JKAMP: variants seen among roughly 807,000 people sequenced by gnomAD.
JKAMP encodes JNK1/MAPK8 associated membrane protein.
Under a neutral mutation model 40.2 loss-of-function variants are expected in JKAMP, and 20 were observed. The ratio of observed to expected loss-of-function variants is 0.50; its 90% CI spans 0.35 to 0.72. The LOEUF is 0.72. Ranked by LOEUF, JKAMP falls within the 30% of genes least tolerant of loss-of-function variation. The pLI is 0.01. For synonymous variants in JKAMP, 138 were observed against 131.6 expected, an observed-to-expected ratio of 1.05 and a Z score of -0.33; for missense variants, 276 against 373.0, an observed-to-expected ratio of 0.74 and a Z score of 2.14.
Position 59,504,139 on chromosome 14 carries a change from A to G in JKAMP, c.*67A>G, listed in dbSNP as rs538982506. The G allele has an allele frequency of 1.5e-4, 131 of 886,872 alleles. No homozygotes were observed. The African/African-American group carries it at 2.1e-3, about 14-fold the overall frequency. The allele number at this position is 886,872 out of a possible 1,614,324, so 54.9% of individuals were successfully genotyped here. On this transcript the variant is annotated 3_prime_UTR_variant, in exon 7 of 7. Transcript: ENST00000616435. ...AATAAAAAAGTAAATCAATCTTAAC[A>G]GTGTATGAGAACTATTCTATCATAT...
chr14:59,497,049 A>G (rs1386621231), intron 4 of JKAMP, among the ~76,000 whole-genome samples: 1 of 150,520 alleles, frequency 6.6e-6, no homozygotes, highest in East Asian at 1.9e-4. Context: ...CACAGTTACC[A>G]GAAACCTTTG....
intron 3 of JKAMP, among the ~76,000 whole-genome samples, chr14:59,494,063 A>G (rs1038527892): frequency 1.3e-5 from 2 of 152,174 alleles, no homozygotes; most frequent in Admixed American, 6.5e-5. Context: ...AATCTCTTCT[A>G]GGTGAATTAA....
At chr14:59,502,463 C>T (rs573023767) in intron 6 of JKAMP, among the ~76,000 whole-genome samples, 1 of 152,254 alleles carries the variant, frequency 6.6e-6, no homozygotes, top group South Asian at 2.1e-4. Flanking sequence ...CTGCTGATGC[C>T]ACTTTTTCTA....
intron 3 of JKAMP, among the ~76,000 whole-genome samples, chr14:59,489,472 GTC>G (rs1890827952): frequency 6.6e-6 from 1 of 152,190 alleles, no homozygotes; most frequent in South Asian, 2.1e-4. Context: ...GGCCTTCACT[GTC>G]TACATTTCTG....
At chr14:59,487,295 T>A (rs1890659761) in intron 2 of JKAMP, 2 of 155,018 alleles carry the variant, frequency 1.3e-5, no homozygotes, top group Non-Finnish European at 1.4e-5. Flanking sequence ...TATTATTTTT[T>A]AAAACATTTA....
intron 4 of JKAMP, 168 bp downstream of exon 4, chr14:59,495,392 T>C (rs1891368772): frequency 3.4e-6 from 2 of 585,028 alleles, no homozygotes; most frequent in Non-Finnish European, 6.1e-6. Context: ...TTCAGTTTTC[T>C]CTTTGGTAAA....
intron 5 of JKAMP, 148 bp from the exon 6 acceptor site, chr14:59,501,043 C>G: frequency 1.8e-6 from 1 of 569,258 alleles, no homozygotes; most frequent in Non-Finnish European, 3.1e-6. Context: ...AGCTTGCTGG[C>G]CACTGCCTCA....
At chr14:59,493,269 T>C (rs556760068) in intron 3 of JKAMP, among the ~76,000 whole-genome samples, 23 of 152,340 alleles carry the variant, frequency 1.5e-4, no homozygotes, top group Admixed American at 1.4e-3. Flanking sequence ...AGAAGCCATA[T>C]GGAAGAGAAC....
rs1230485294 is a variant in JKAMP at position 59,504,489 on chromosome 14, A to ACAG, written c.*417_*418insCAG. The ACAG allele has an allele frequency of 0.011, 1,785 of 159,610 alleles. 26 individuals are homozygous for ACAG. Among genetic ancestry groups the ACAG allele is most frequent in the African/African-American group, 0.041 (1,718 of 41,798 alleles). The allele number at this position is 159,610 out of a possible 1,614,324, so 9.9% of individuals were successfully genotyped here. ...TCAGTTTGTTTTTCACCTATAATGA[A>ACAG]TTGTAAAAACAAACATACTTGTGGG... On this transcript the variant is annotated 3_prime_UTR_variant, in exon 7 of 7. Coordinates refer to ENST00000616435, the MANE Select transcript of JKAMP (RefSeq NM_016475.5).
At chr14:59,502,925 T>A (rs1892042597) in intron 6 of JKAMP, among the ~76,000 whole-genome samples, 4 of 151,706 alleles carry the variant, frequency 2.6e-5, no homozygotes, top group Admixed American at 1.3e-4. Flanking sequence ...CTAATTTTTG[T>A]GTTTTTAGTA....
chr14:59,500,696 C>T (rs556599632), intron 5 of JKAMP, among the ~76,000 whole-genome samples: 1 of 152,204 alleles, frequency 6.6e-6, no homozygotes, highest in African/African-American at 2.4e-5. Flanking sequence ...TTTGAATTCT[C>T]CTAAATTTAG....
chr14:59,495,551 ATAAG>A (rs1262287565), intron 4 of JKAMP, among the ~76,000 whole-genome samples: 1 of 152,166 alleles, frequency 6.6e-6, no homozygotes, highest in Middle Eastern at 3.2e-3. Flanking sequence ...TTCTCCCCAA[ATAAG>A]TGTAATTTCT....
intron 5 of JKAMP, 110 bp from the exon 6 acceptor site, chr14:59,501,081 C>A: frequency 1.5e-6 from 1 of 680,822 alleles, no homozygotes; most frequent in Non-Finnish European, 2.4e-6. Context: ...TCTCACAGAA[C>A]TGGTTGAGAA....
At chr14:59,496,967 AG>A (rs1240115812) in intron 4 of JKAMP, among the ~76,000 whole-genome samples, 3 of 122,294 alleles carry the variant, frequency 2.5e-5, no homozygotes, top group African/African-American at 9.3e-5. Flanking sequence ...GCACTTCCGA[AG>A]GTTGTAGGGC....
At position 59,498,831 on chromosome 14, in the gene JKAMP, G is replaced by T. The variant is rs749990094; in HGVS notation, c.563G>T (p.Arg188Leu). The T allele has an allele frequency of 1.9e-6, 3 of 1,612,514 alleles. No individual in the cohort carries two copies. Among genetic ancestry groups the T allele is most frequent in the Non-Finnish European group, 2.5e-6 (3 of 1,178,978 alleles). Residue 188 changes from arginine to leucine, a missense_variant, in exon 5 of 7, where the codon CGA (arginine) becomes CTA (leucine). Arg to Leu is a moderately radical substitution (Grantham distance 102). Coordinates refer to ENST00000616435, the MANE Select transcript of JKAMP (RefSeq NM_016475.5). ...GCATGTGGGTTAGGGAAATCTGATC[G>T]ATTTAAAAGTATTTATGCTGCACTT... Reference protein sequence around the residue: ...KIACGLGKSDRFKSIYAALYF... With the variant: ...KIACGLGKSDLFKSIYAALYF...
intron 3 of JKAMP, among the ~76,000 whole-genome samples, chr14:59,492,873 C>T (rs969990431): frequency 2.7e-5 from 4 of 150,366 alleles, no homozygotes; most frequent in Admixed American, 1.3e-4. Context: ...CCTCGGCTCA[C>T]TGCAAGCTTC....
chr14:59,487,252 T>C (rs1890656171), intron 2 of JKAMP: 1 of 155,126 alleles, frequency 6.4e-6, no homozygotes, highest in Non-Finnish European at 1.4e-5. Context: ...GGCATTAATA[T>C]AGTCATTGTT....
Position 59,504,973 on chromosome 14 carries a change from A to ATGTT in JKAMP, c.*903_*906dup, listed in dbSNP as rs879105599. ...TGTGGTTTGTGATAGGTGTTCTGTG[A>ATGTT]TGTTTATGCTTTGAAGGCCTTAAGA... On this transcript the variant is annotated 3_prime_UTR_variant, in exon 7 of 7. Transcript: ENST00000616435. 4 of 252,966 alleles carry ATGTT rather than the reference A, an allele frequency of 1.6e-5. No homozygotes were observed. In the South Asian group the frequency reaches 5.6e-4, roughly 35 times the overall value. 15.7% of individuals were successfully genotyped at this position (252,966 alleles called of 1,614,324 possible).
intron 4 of JKAMP, among the ~76,000 whole-genome samples, chr14:59,496,808 A>G (rs561102747): frequency 2.3e-4 from 35 of 152,320 alleles, no homozygotes; most frequent in African/African-American, 7.5e-4. Flanking sequence ...GTCATTGTAG[A>G]ACAGCTTGCC....
Sources: allele counts gnomAD v4.1 joint callset (sites outside exome capture counted in the v4.1 genomes callset), GRCh38; gene constraint gnomAD v4.1.1; transcripts MANE v1.5; gene names NCBI Gene and HGNC (gene_info 2026-07-23, HGNC 2026-07-21).